The following GLIS1 variants were observed in gnomAD, a reference collection of about 807,000 sequenced individuals.
GLIS1 encodes GLIS family zinc finger 1, also known as zinc finger protein GLIS1.
A neutral mutation model predicts 63.8 loss-of-function variants in GLIS1; 24 were observed. The observed-to-expected ratio is 0.38, with a 90% CI of 0.27 to 0.53. The LOEUF is 0.53. GLIS1 is among the 20% of genes least tolerant of loss of function. The probability of loss-of-function intolerance (pLI) is 0.85; values close to 1 mark genes in which losing one functional copy is unlikely to be tolerated. For synonymous variants in GLIS1, 450 were observed against 482.5 expected (o/e 0.93, Z 0.88); for missense variants, 1,036 against 1,074.1 (o/e 0.96, Z 0.50).
intron 2 of GLIS1, among the ~76,000 whole-genome samples, chr1:53,666,081 G>A (rs1367380425): frequency 3.9e-5 from 6 of 152,178 alleles, no homozygotes; most frequent in Admixed American, 6.5e-5. Context: ...CAGAATGCAC[G>A]AGGTTACACA....
At chr1:53,606,051 G>T (rs964783431) in intron 2 of GLIS1, among the ~76,000 whole-genome samples, 7 of 152,210 alleles carry the variant, frequency 4.6e-5, no homozygotes, top group African/African-American at 1.7e-4. Context: ...ACCCTTCTGA[G>T]CCTCAGTTTC....
At chr1:53,609,266 CTTTTTTTTTTT>C (rs1221426769) in intron 2 of GLIS1, among the ~76,000 whole-genome samples, 2 of 81,378 alleles carry the variant, frequency 2.5e-5, no homozygotes, top group Non-Finnish European at 4.2e-5. Flanking sequence ...GGGTTTAAAT[CTTTTTTTTTTT>C]TTTTTTTTTT....
At chr1:53,708,026 T>C (rs1646598599) in intron 2 of GLIS1, among the ~76,000 whole-genome samples, 1 of 150,002 alleles carries the variant, frequency 6.7e-6, no homozygotes, top group Non-Finnish European at 1.5e-5. Context: ...CTCACGCCTG[T>C]AATCCCAGCA....
At chr1:53,627,262 G>A (rs1264786842) in intron 2 of GLIS1, among the ~76,000 whole-genome samples, 2 of 152,174 alleles carry the variant, frequency 1.3e-5, no homozygotes, top group African/African-American at 2.4e-5. Flanking sequence ...CTGGCCGATC[G>A]GGAGGGTTCT....
chr1:53,701,451 T>C (rs1646521558), intron 2 of GLIS1, among the ~76,000 whole-genome samples: 1 of 152,184 alleles, frequency 6.6e-6, no homozygotes, highest in South Asian at 2.1e-4. Context: ...AACGCCCTCC[T>C]CCGCTGTCAA....
intron 2 of GLIS1, among the ~76,000 whole-genome samples, chr1:53,668,192 T>G (rs1347256653): frequency 6.6e-6 from 1 of 152,238 alleles, no homozygotes; most frequent in Non-Finnish European, 1.5e-5. Context: ...GTTGTGGGAT[T>G]CATCCTGTGC....
chr1:53,726,364 TAGA>T (rs1646805954), intron 2 of GLIS1, among the ~76,000 whole-genome samples: 1 of 152,106 alleles, frequency 6.6e-6, no homozygotes, highest in Non-Finnish European at 1.5e-5. Flanking sequence ...GGAGTGAATG[TAGA>T]AAGAATTAAA....
intron 4 of GLIS1, among the ~76,000 whole-genome samples, chr1:53,559,949 T>C (rs1363183227): frequency 6.6e-6 from 1 of 152,104 alleles, no homozygotes; most frequent in African/African-American, 2.4e-5. Context: ...CCCACAGTGT[T>C]CCCTCTCCTA....
intron 2 of GLIS1, among the ~76,000 whole-genome samples, chr1:53,682,986 T>A (rs1396574602): frequency 6.6e-6 from 1 of 152,112 alleles, no homozygotes; most frequent in Non-Finnish European, 1.5e-5. Context: ...AGAAGCAGCA[T>A]GAACTGAGAC....
At chr1:53,729,450 G>T (rs773575778) in intron 2 of GLIS1, among the ~76,000 whole-genome samples, 2 of 152,156 alleles carry the variant, frequency 1.3e-5, no homozygotes, top group African/African-American at 2.4e-5. Flanking sequence ...GGGTTGACGG[G>T]GGGTACGGAG....
intron 2 of GLIS1, among the ~76,000 whole-genome samples, chr1:53,668,365 T>C (rs1646116835): frequency 6.6e-6 from 1 of 152,186 alleles, no homozygotes; most frequent in Non-Finnish European, 1.5e-5. Flanking sequence ...TATGTTTAGA[T>C]AATTTTCTTT....
At position 53,562,831 on chromosome 1, in the gene GLIS1, C is replaced by T. The variant is rs765117300; in HGVS notation, c.1320+31277G>A. Among the ~76,000 whole-genome samples the T allele has an allele frequency of 3.9e-5, 6 of 152,244 alleles. No homozygotes were observed. In the East Asian group the frequency reaches 9.6e-4, roughly 24 times the overall value. On this transcript the variant is annotated intron_variant, in intron 4 of 10. Coordinates refer to ENST00000628545, the MANE Select transcript of GLIS1 (RefSeq NM_001367484.1). ...ATGATGCATGCAAAGCACTCAGCAC[C>T]GTGAAAGATCATCATCTAGTAGTTA... is the stretch of plus-strand genomic sequence containing the variant.
At chr1:53,735,204 C>T (rs1260612928) in intron 2 of GLIS1, among the ~76,000 whole-genome samples, 1 of 152,192 alleles carries the variant, frequency 6.6e-6, no homozygotes, top group East Asian at 1.9e-4. Context: ...CTCTCAGCCT[C>T]CCCTGGCTAG....
At chr1:53,624,838 T>C (rs911243260) in intron 2 of GLIS1, among the ~76,000 whole-genome samples, 4 of 152,134 alleles carry the variant, frequency 2.6e-5, no homozygotes, top group Admixed American at 6.5e-5. Flanking sequence ...TATAAATAAC[T>C]CATAACTTAA....
intron 2 of GLIS1, among the ~76,000 whole-genome samples, chr1:53,716,404 T>G (rs2100538487): frequency 6.6e-6 from 1 of 152,078 alleles, no homozygotes; most frequent in South Asian, 2.1e-4. Context: ...GGAGGGTCAG[T>G]AGATCTGACA....
At chr1:53,516,519 C>A (rs1244173549) in intron 7 of GLIS1, among the ~76,000 whole-genome samples, 1 of 151,944 alleles carries the variant, frequency 6.6e-6, no homozygotes, top group Non-Finnish European at 1.5e-5. Context: ...CCAGAAAGAC[C>A]TTCACATGGA....
At chr1:53,569,876 T>G (rs1644968521) in intron 4 of GLIS1, among the ~76,000 whole-genome samples, 1 of 152,070 alleles carries the variant, frequency 6.6e-6, no homozygotes, top group Non-Finnish European at 1.5e-5. Context: ...AATACATCTT[T>G]AAAAGAAAGA....
chr1:53,542,781 G>C (rs909400466), intron 4 of GLIS1, among the ~76,000 whole-genome samples: 6 of 152,190 alleles, frequency 3.9e-5, no homozygotes, highest in Non-Finnish European at 8.8e-5. Context: ...AGGTCTGTGG[G>C]ACCTGAAGCA....
intron 2 of GLIS1, among the ~76,000 whole-genome samples, chr1:53,616,598 G>C (rs1350770573): frequency 6.6e-6 from 1 of 152,176 alleles, no homozygotes; most frequent in Admixed American, 6.5e-5. Flanking sequence ...GGACAGGAGA[G>C]GGGTGTGTGG....
Sources: allele counts gnomAD v4.1 joint callset (sites outside exome capture counted in the v4.1 genomes callset), GRCh38; gene constraint gnomAD v4.1.1; transcripts MANE v1.5; gene names NCBI Gene and HGNC (gene_info 2026-07-23, HGNC 2026-07-21).